The following ARHGEF18 variants were observed in gnomAD, a reference collection of about 807,000 sequenced individuals.
ARHGEF18 encodes the protein rho guanine nucleotide exchange factor 18.
In ARHGEF18, 93 loss-of-function variants were observed where a neutral mutation model predicts 155.7. The observed-to-expected ratio is 0.60, with a 90% CI of 0.50 to 0.71. The LOEUF (loss-of-function observed/expected upper bound fraction) is 0.71, where lower values mean the gene tolerates loss of function less well. ARHGEF18 is among the 30% of genes least tolerant of loss of function. ARHGEF18 has a pLI of 0.00. For missense variants in ARHGEF18, 1,593 were observed against 1,816.1 expected (o/e 0.88, Z 2.23); for synonymous variants, 742 against 753.1 (o/e 0.99, Z 0.24).
downstream of ARHGEF18, among the ~76,000 whole-genome samples, chr19:7,475,039 GC>G (rs1977193663): frequency 1.3e-5 from 2 of 152,160 alleles, no homozygotes; most frequent in African/African-American, 4.8e-5. Context: ...TTCAAGACCA[GC>G]CTGGGCAACG....
chr19:7,356,264 ACTTTTT>A (rs1363960895), intron 1 of ARHGEF18, among the ~76,000 whole-genome samples: 6 of 144,690 alleles, frequency 4.1e-5, no homozygotes, highest in African/African-American at 7.9e-5. Flanking sequence ...AAAGAGAGAC[ACTTTTT>A]CTTTTTTTTT....
chr19:7,442,913 C>T (rs1231502119), intron 13 of ARHGEF18, among the ~76,000 whole-genome samples: 1 of 152,042 alleles, frequency 6.6e-6, no homozygotes, highest in Non-Finnish European at 1.5e-5. Flanking sequence ...TTTTTTGAGA[C>T]AGGGTCTTAC....
intron 10 of ARHGEF18, among the ~76,000 whole-genome samples, chr19:7,432,219 A>T (rs907443784): frequency 6.6e-6 from 1 of 152,170 alleles, no homozygotes; most frequent in Admixed American, 6.6e-5. Context: ...AAAAGGCAGG[A>T]ACTGTGAACT....
intron 2 of ARHGEF18, among the ~76,000 whole-genome samples, chr19:7,367,439 A>G (rs1456118542): frequency 2.0e-5 from 3 of 151,992 alleles, no homozygotes; most frequent in Non-Finnish European, 2.9e-5. Context: ...CTCTGTCTCT[A>G]CAAAAAATAA....
chr19:7,446,169 G>A (rs975079853), intron 14 of ARHGEF18, among the ~76,000 whole-genome samples: 8 of 152,032 alleles, frequency 5.3e-5, no homozygotes, highest in Middle Eastern at 3.2e-3. Flanking sequence ...AGGCTGAGTG[G>A]GGGTGGATCA....
intron 10 of ARHGEF18, among the ~76,000 whole-genome samples, chr19:7,430,666 A>G (rs531871635): frequency 1.3e-5 from 2 of 152,120 alleles, no homozygotes; most frequent in African/African-American, 4.8e-5. Flanking sequence ...TTAGCTGGGC[A>G]TGGTGGTATG....
At chr19:7,464,931 G>T (rs945206511) in intron 23 of ARHGEF18, among the ~76,000 whole-genome samples, 6 of 152,296 alleles carry the variant, frequency 3.9e-5, no homozygotes, top group Admixed American at 3.9e-4. Context: ...ACAGGCTCAG[G>T]GCACTCACCA....
At chr19:7,469,822 C>T in intron 27 of ARHGEF18, 82 bp from the exon 28 acceptor site, 7 of 1,530,310 alleles carry the variant, frequency 4.6e-6, no homozygotes, top group East Asian at 2.3e-5. Context: ...GGTGGCCAGG[C>T]CCCTCTGCTC....
intron 10 of ARHGEF18, among the ~76,000 whole-genome samples, chr19:7,439,206 G>A (rs1974467677): frequency 6.6e-6 from 1 of 151,314 alleles, no homozygotes; most frequent in Non-Finnish European, 1.5e-5. Context: ...ATTAAGTGTT[G>A]CATCTTGGGA....
chr19:7,435,894 G>A (rs1331407861), intron 10 of ARHGEF18, among the ~76,000 whole-genome samples: 2 of 150,268 alleles, frequency 1.3e-5, no homozygotes, highest in East Asian at 4.1e-4. Flanking sequence ...AGTGCAGTGG[G>A]GCAGTCATAG....
chr19:7,455,358 A>C (rs1568354283), intron 17 of ARHGEF18, among the ~76,000 whole-genome samples: 1 of 152,256 alleles, frequency 6.6e-6, no homozygotes, highest in East Asian at 1.9e-4. Flanking sequence ...AGCAGGCTGC[A>C]GTGTGAGAGA....
At chr19:7,464,257 C>T (rs1456392608) in intron 22 of ARHGEF18, among the ~76,000 whole-genome samples, 3 of 152,160 alleles carry the variant, frequency 2.0e-5, no homozygotes, top group East Asian at 3.8e-4. Context: ...AGGCTGGTCT[C>T]GAACTCCTGA....
At chr19:7,456,138 G>A (rs531309698) in intron 17 of ARHGEF18, among the ~76,000 whole-genome samples, 189 bp from the exon 18 acceptor site, 5 of 152,336 alleles carry the variant, frequency 3.3e-5, no homozygotes, top group East Asian at 3.9e-4. Context: ...CCGGCTGCTC[G>A]TTGGTGCTGA....
chr19:7,369,750 C>T (rs8112891), intron 2 of ARHGEF18, among the ~76,000 whole-genome samples: 145,308 of 152,226 alleles, frequency 0.95, 69,448 homozygotes, highest in East Asian at 1. Context: ...TGAGCTGATA[C>T]TATGCCATTG....
intron 18 of ARHGEF18, 152 bp from the exon 19 acceptor site, chr19:7,458,360 C>T (rs1415926011): frequency 3.3e-6 from 2 of 608,242 alleles, no homozygotes; most frequent in Admixed American, 3.7e-5. Flanking sequence ...TTTTTTCCCC[C>T]AGATGGCAAA....
downstream of ARHGEF18, chr19:7,473,330 C>A: frequency 2.2e-6 from 1 of 452,682 alleles, no homozygotes; most frequent in Non-Finnish European, 4.4e-6. Flanking sequence ...TGATGCAGGC[C>A]ACGTGTGGAA....
At chr19:7,420,237 C>T (rs1034638693) in intron 10 of ARHGEF18, among the ~76,000 whole-genome samples, 2 of 152,060 alleles carry the variant, frequency 1.3e-5, no homozygotes, top group Admixed American at 6.6e-5. Context: ...ACTGGGGCTA[C>T]AGGTGTATGC....
intron 10 of ARHGEF18, among the ~76,000 whole-genome samples, chr19:7,385,863 C>G (rs1971000677): frequency 9.4e-6 from 1 of 106,246 alleles, no homozygotes; most frequent in Non-Finnish European, 1.8e-5. Context: ...CTCTCTCTCT[C>G]TCTCTCTCCC....
chr19:7,471,565 C>G lies in ARHGEF18; in HGVS notation c.*1267C>G, dbSNP rs768670928. The G allele has an allele frequency of 1.3e-5, 2 of 152,332 alleles. No individual in the cohort carries two copies. The highest frequency in any genetic ancestry group is 2.9e-5 in the Non-Finnish European group (2 of 68,100). 9.4% of individuals were successfully genotyped at this position (152,332 alleles called of 1,614,324 possible). On this transcript the variant is annotated 3_prime_UTR_variant, in exon 29 of 29. Coordinates refer to ENST00000668164, the MANE Select transcript of ARHGEF18 (RefSeq NM_001367823.1). This position sits in a 1 kb window ranked among gnomAD's most constrained non-coding sequence, Gnocchi z 4.4. ...GCCAGGGCCAAGTCCTTCTCCCGAA[C>G]CCAGGGTCCTGGGAACTGCAGATCC...
Sources: gnomAD v4.1 joint callset for allele counts (sites outside exome capture counted in the v4.1 genomes callset) on GRCh38, gnomAD v4.1.1 for gene constraint, Gnocchi (gnomAD v3.1) non-coding constraint, MANE v1.5 for transcripts, NCBI Gene and HGNC (gene_info 2026-07-23, HGNC 2026-07-21) for gene names.